SLC2A1: variants seen among roughly 807,000 people sequenced by gnomAD.
SLC2A1 encodes solute carrier family 2 member 1, also known as solute carrier family 2, facilitated glucose transporter member 1.
SLC2A1 carries 4 observed loss-of-function variants against 46.6 expected under a neutral mutation model. That is an observed-to-expected ratio of 0.09 (90% CI 0.04 to 0.20). SLC2A1 has a LOEUF of 0.20. Among genes scored for constraint, SLC2A1 ranks in the 10% least tolerant of loss-of-function variants. The pLI, the probability that SLC2A1 is intolerant of heterozygous loss-of-function variation, is 1.00. For missense variants in SLC2A1, 352 were observed against 667.0 expected (o/e 0.53, Z 5.20); for synonymous variants, 253 against 270.0 (o/e 0.94, Z 0.62).
chr1:42,945,094 G>GGCTCACTAAACA (rs1553156971), intron 1 of SLC2A1, among the ~76,000 whole-genome samples: 2 of 152,154 alleles, frequency 1.3e-5, no homozygotes, highest in African/African-American at 4.8e-5. Flanking sequence ...TCACCAGGAG[G>GGCTCACTAAACA]GCTCACTAAA....
At chr1:42,945,778 C>T (rs1057275178) in intron 1 of SLC2A1, among the ~76,000 whole-genome samples, 5 of 147,916 alleles carry the variant, frequency 3.4e-5, no homozygotes, top group Non-Finnish European at 5.9e-5. Context: ...CAAGAATGTA[C>T]AAGAAAGGTA....
intron 1 of SLC2A1, among the ~76,000 whole-genome samples, chr1:42,955,592 G>A (rs61581811): frequency 0.13 from 19,119 of 152,048 alleles, 3,037 homozygotes; most frequent in African/African-American, 0.36. Flanking sequence ...GTGAGACCTC[G>A]TCTCAAAAAA....
chr1:42,956,966 G>A (rs1302679775), intron 1 of SLC2A1, among the ~76,000 whole-genome samples: 2 of 152,204 alleles, frequency 1.3e-5, no homozygotes, highest in South Asian at 4.1e-4. Context: ...GGTCCGTGAC[G>A]CTTAAAGTAG....
At chr1:42,955,601 A>G (rs1342472726) in intron 1 of SLC2A1, among the ~76,000 whole-genome samples, 1 of 152,228 alleles carries the variant, frequency 6.6e-6, no homozygotes, top group African/African-American at 2.4e-5. Context: ...CGTCTCAAAA[A>G]AAGACAAAAA....
At chr1:42,943,543 AG>A (rs992376914) in intron 1 of SLC2A1, among the ~76,000 whole-genome samples, 4 of 151,908 alleles carry the variant, frequency 2.6e-5, no homozygotes, top group African/African-American at 7.3e-5. Flanking sequence ...CTGGGGAGAG[AG>A]GGGAAGTATG....
At chr1:42,950,371 T>C (rs968609965) in intron 1 of SLC2A1, among the ~76,000 whole-genome samples, 1 of 152,248 alleles carries the variant, frequency 6.6e-6, no homozygotes, top group African/African-American at 2.4e-5. Context: ...CCACGTCCCC[T>C]GAGCTAGCTG....
At chr1:42,950,634 C>A (rs1452095784) in intron 1 of SLC2A1, among the ~76,000 whole-genome samples, 1 of 152,208 alleles carries the variant, frequency 6.6e-6, no homozygotes, top group Non-Finnish European at 1.5e-5. Flanking sequence ...TCACTCTCAG[C>A]AGACACATTT....
Position 42,926,761 on chromosome 1 carries a change from G to A in SLC2A1, c.*280C>T. Reference sequence around the variant, plus strand: ...GGGTGAAGCCTGGGATGTGGGCACAGGAGACTCAGGCTGATATAAAAATAA... The same window carrying A: ...GGGTGAAGCCTGGGATGTGGGCACAAGAGACTCAGGCTGATATAAAAATAA... On this transcript the variant is annotated 3_prime_UTR_variant, in exon 10 of 10. Transcript: ENST00000426263. The A allele has an allele frequency of 7.0e-7, 1 of 1,419,606 alleles. No individual in the cohort carries two copies. The highest frequency in any genetic ancestry group is 9.3e-7 in the Non-Finnish European group (1 of 1,075,946). 87.9% of individuals were successfully genotyped at this position (1,419,606 alleles called of 1,614,324 possible).
At chr1:42,949,692 G>T (rs538394270) in intron 1 of SLC2A1, among the ~76,000 whole-genome samples, 3 of 152,198 alleles carry the variant, frequency 2.0e-5, no homozygotes, top group East Asian at 3.9e-4. Context: ...CAGCAGCAGC[G>T]AGCTGAGGCA....
intron 1 of SLC2A1, among the ~76,000 whole-genome samples, chr1:42,956,297 C>T (rs1643772847): frequency 9.0e-6 from 1 of 111,268 alleles, no homozygotes; most frequent in Non-Finnish European, 2.2e-5. Flanking sequence ...CCTGTAATCC[C>T]AGGCCTGTAA....
intron 2 of SLC2A1, among the ~76,000 whole-genome samples, chr1:42,934,422 G>C (rs979494386): frequency 1.3e-5 from 2 of 152,208 alleles, no homozygotes; most frequent in Non-Finnish European, 2.9e-5. Flanking sequence ...TGATGCCTGA[G>C]ATTTCTGGGA....
intron 2 of SLC2A1, among the ~76,000 whole-genome samples, chr1:42,942,418 C>A (rs1353098780): frequency 6.6e-6 from 1 of 151,960 alleles, no homozygotes; most frequent in Non-Finnish European, 1.5e-5. Flanking sequence ...CCCCCTACCC[C>A]CTTTTCCTCT....
At chr1:42,941,372 C>T (rs181319545) in intron 2 of SLC2A1, among the ~76,000 whole-genome samples, 2 of 152,270 alleles carry the variant, frequency 1.3e-5, no homozygotes, top group African/African-American at 4.8e-5. Context: ...CCAACCTTTC[C>T]CCTCCTCCTG....
chr1:42,944,596 A>T (rs1241717311), intron 1 of SLC2A1, among the ~76,000 whole-genome samples: 1 of 147,422 alleles, frequency 6.8e-6, no homozygotes. Context: ...TACCAGGCAT[A>T]TTCCCAGTAT....
At position 42,929,277 on chromosome 1, in the gene SLC2A1, C is replaced by G. The variant is rs944584284; in HGVS notation, c.905G>C (p.Gly302Ala). The G allele has an allele frequency of 2.5e-6, 4 of 1,613,852 alleles. No individual in the cohort carries two copies. Among genetic ancestry groups the G allele is most frequent in the South Asian group, 2.2e-5 (2 of 91,000 alleles). ...YYSTSIFEKA[G>A]VQQPVYATIG... The stretch of plus-strand genomic sequence containing the variant: ...GGTGGCATACACAGGCTGCTGCACC[C>G]CCGCCTTCTCGAAGATGCTCGTGGA... The change falls in exon 7 of 10, where the codon GGG (glycine) becomes GCG (alanine). Residue 302 changes from glycine (G) to alanine (A), a missense_variant. Physicochemically the swap from Gly to Ala is moderately conservative, Grantham distance 60. Around this residue, in one of 5 missense-constraint regions of SLC2A1, gnomAD observed 167 missense variants for 280.8 expected, o/e 0.59. Coordinates refer to ENST00000426263, the MANE Select transcript of SLC2A1 (RefSeq NM_006516.4). The surrounding 1 kb of genome is among the most constrained non-coding windows in gnomAD (Gnocchi z 6.0).
In SLC2A1 at chr1:42,929,884, C is replaced by T. The variant is rs397514564; in HGVS notation, c.668G>A (p.Arg223Gln). 40 of 1,613,998 alleles carry T rather than the reference C, an allele frequency of 2.5e-5. No individual in the cohort carries two copies. The highest frequency in any genetic ancestry group is 1.6e-4 in the Middle Eastern group (1 of 6,084). Residue 223 changes from arginine to glutamine, a missense_variant, in exon 5 of 10, where the codon CGG (arginine) becomes CAG (glutamine). By Grantham distance (43) the Arg-to-Gln change is conservative. Around this residue, in one of 5 missense-constraint regions of SLC2A1, gnomAD observed 167 missense variants for 280.8 expected, o/e 0.59. Coordinates refer to ENST00000426263, the MANE Select transcript of SLC2A1 (RefSeq NM_006516.4). The surrounding 1 kb of genome is among the most constrained non-coding windows in gnomAD (Gnocchi z 6.0). Reference protein sequence around the residue: ...FLLINRNEENRAKSVLKKLRG... With the variant: ...FLLINRNEENQAKSVLKKLRG... ...GGCCATGCCCGTACCACTCTTGGCC[C>T]GGTTCTCCTCGTTGCGGTTGATGAG...
At position 42,927,349 on chromosome 1, in the gene SLC2A1, T is replaced by C; in HGVS notation, c.1279-108A>G. On this transcript the variant is annotated intron_variant, in intron 9 of 9. Coordinates refer to ENST00000426263, the MANE Select transcript of SLC2A1 (RefSeq NM_006516.4). The surrounding 1 kb of genome is among the most constrained non-coding windows in gnomAD (Gnocchi z 5.3). ...GGGCCTTTGAGCTGAAAAGGGAACA[T>C]CCACCTACCCAGGGATGCTATCATA... 1 of 1,021,322 alleles carries C rather than the reference T, an allele frequency of 9.8e-7. No individual in the cohort carries two copies. Among genetic ancestry groups the C allele is most frequent in the Non-Finnish European group, 1.5e-6 (1 of 658,954 alleles). The allele number at this position is 1,021,322 out of a possible 1,614,324, so 63.3% of individuals were successfully genotyped here. A position where few individuals can be genotyped will look rare whatever the true frequency, so the allele number is the denominator to read the frequency against.
In SLC2A1 at chr1:42,929,471, G is replaced by A. The variant is rs970123131; in HGVS notation, c.867+122C>T. The stretch of plus-strand genomic sequence containing the variant: ...ACTGCAGTGACCTTACGGGCTTGGG[G>A]TCTAAAGGGAAACTTCTTCGGCAGA... On this transcript the variant is annotated intron_variant, in intron 6 of 9. Coordinates refer to ENST00000426263, the MANE Select transcript of SLC2A1 (RefSeq NM_006516.4). The surrounding 1 kb of genome is among the most constrained non-coding windows in gnomAD (Gnocchi z 6.0). 8.6e-7 allele frequency: 1 copy of A among 1,164,634 alleles called. No individual in the cohort carries two copies. 72.1% of individuals were successfully genotyped at this position (1,164,634 alleles called of 1,614,324 possible). A position where few individuals can be genotyped will look rare whatever the true frequency, so the allele number is the denominator to read the frequency against.
rs976075779 is a variant in SLC2A1, at chr1:42,927,786, T to C, written c.1097A>G (p.Tyr366Cys). 1 of 1,613,382 alleles carries C rather than the reference T, an allele frequency of 6.2e-7. No homozygotes were observed. The highest frequency in any genetic ancestry group is 1.3e-5 in the African/African-American group (1 of 74,896). Reference sequence around the variant, plus strand: ...GCCAAAGATGGCCACGATGCTCAGATAGGACATCCAGGGTAGCTGCTCCTG... The same window carrying C: ...GCCAAAGATGGCCACGATGCTCAGACAGGACATCCAGGGTAGCTGCTCCTG... ...ALLEQLPWMS[Y>C]LSIVAIFGFV... Residue 366 changes from tyrosine (Y) to cysteine (C), a missense_variant, in exon 9 of 10, where the codon TAT becomes TGT. Transcript: ENST00000426263. This position sits in a 1 kb window ranked among gnomAD's most constrained non-coding sequence, Gnocchi z 5.3.
Sources: gnomAD v4.1 joint callset for allele counts (sites outside exome capture counted in the v4.1 genomes callset) on GRCh38, gnomAD v4.1.1 for gene constraint, gnomAD v4.1.1 regional missense constraint, Gnocchi (gnomAD v3.1) non-coding constraint, MANE v1.5 for transcripts, NCBI Gene and HGNC (gene_info 2026-07-23, HGNC 2026-07-21) for gene names.